CASR: variants seen among roughly 807,000 people sequenced by gnomAD.
CASR encodes calcium sensing receptor, also known as extracellular calcium-sensing receptor.
Under a neutral mutation model 69.1 loss-of-function variants are expected in CASR, and 23 were observed. The observed-to-expected ratio is 0.33, with a 90% CI of 0.24 to 0.47. CASR has a LOEUF of 0.47. Ranked by LOEUF, CASR falls within the 20% of genes least tolerant of loss-of-function variation. The pLI is 1.00. For synonymous variants in CASR, 541 were observed against 544.7 expected (o/e 0.99, Z 0.10); for missense variants, 924 against 1,356.1 (o/e 0.68, Z 5.00).
chr3:122,276,545 G>A (rs2074823552), intron 5 of CASR, among the ~76,000 whole-genome samples: 1 of 152,110 alleles, frequency 6.6e-6, no homozygotes, highest in Non-Finnish European at 1.5e-5. Context: ...ACAAAGAATT[G>A]ATCCCGCCTC....
chr3:122,261,407 C>T (rs2074619669), intron 3 of CASR, 121 bp from the exon 4 acceptor site: 1 of 849,842 alleles, frequency 1.2e-6, no homozygotes, highest in Non-Finnish European at 2.0e-6. Flanking sequence ...CAGTGAACAG[C>T]ATAGTTGATA....
chr3:122,242,767 C>T (rs2074390257), intron 1 of CASR, among the ~76,000 whole-genome samples: 2 of 152,118 alleles, frequency 1.3e-5, no homozygotes, highest in Non-Finnish European at 2.9e-5. Context: ...TATCGACTTT[C>T]ATATTATGCT....
Position 122,257,145 on chromosome 3 carries a change from A to G in CASR, c.250A>G (p.Ser84Gly). 1 of 1,614,198 alleles carries G rather than the reference A, an allele frequency of 6.2e-7. No homozygotes were observed. The highest frequency in any genetic ancestry group is 8.5e-7 in the Non-Finnish European group (1 of 1,179,992). Reference sequence around the variant, plus strand: ...ATTTGCCATAGAGGAGATAAACAGCAGCCCAGCCCTTCTTCCCAACTTGAC... The same window carrying G: ...ATTTGCCATAGAGGAGATAAACAGCGGCCCAGCCCTTCTTCCCAACTTGAC... ...MIFAIEEINS[S>G]PALLPNLTLG... Residue 84 changes from serine to glycine, a missense_variant, in exon 3 of 7, where the codon AGC becomes GGC. This residue lies in a region of CASR where 141 missense variants were observed against 283.0 expected (regional missense o/e 0.50). Coordinates refer to ENST00000639785, the MANE Select transcript of CASR (RefSeq NM_000388.4).
intron 3 of CASR, among the ~76,000 whole-genome samples, chr3:122,260,655 G>A (rs371321407): frequency 1.1e-3 from 161 of 150,926 alleles, no homozygotes; most frequent in Middle Eastern, 6.9e-3. Flanking sequence ...AAACCTGCAC[G>A]TTGTGCACAA....
At chr3:122,206,800 T>A (rs2074011718) in intron 1 of CASR, among the ~76,000 whole-genome samples, 3 of 152,082 alleles carry the variant, frequency 2.0e-5, no homozygotes, top group African/African-American at 4.8e-5. Flanking sequence ...GTTTCAACCT[T>A]CGTAGATTGT....
At chr3:122,252,511 GAGAAAGAA>G (rs141055482) in intron 1 of CASR, among the ~76,000 whole-genome samples, 1 of 135,236 alleles carries the variant, frequency 7.4e-6, no homozygotes, top group Non-Finnish European at 1.6e-5. Context: ...AAGAGAGAGA[GAGAAAGAA>G]AGAAGGCGGG....
At position 122,290,462 on chromosome 3, in the gene CASR, A is replaced by C. The variant is rs973860795; in HGVS notation, c.*5271A>C. 1.3e-5 allele frequency: 2 copies of C among 152,250 alleles called. No homozygotes were observed. The highest frequency in any genetic ancestry group is 2.9e-5 in the Non-Finnish European group (2 of 68,046). 9.4% of individuals were successfully genotyped at this position (152,250 alleles called of 1,614,324 possible). ...ATGTTTTGTTTCTATCTGACCTCTC[A>C]TTATAAATGAGAAACTTATAAATTA... On this transcript the variant is annotated 3_prime_UTR_variant, in exon 7 of 7. Coordinates refer to ENST00000639785, the MANE Select transcript of CASR (RefSeq NM_000388.4).
chr3:122,202,757 C>T (rs1378452940), intron 1 of CASR, among the ~76,000 whole-genome samples: 1 of 152,106 alleles, frequency 6.6e-6, no homozygotes, highest in Non-Finnish European at 1.5e-5. Context: ...AAGACATTCT[C>T]CTATAATTTC....
intron 1 of CASR, among the ~76,000 whole-genome samples, chr3:122,198,856 G>A (rs1559934801): frequency 6.7e-6 from 1 of 148,632 alleles, no homozygotes; most frequent in Admixed American, 6.7e-5. Context: ...TATATATATG[G>A]GGGATAAAGA....
rs200312817 is a variant in CASR at position 122,262,223 on chromosome 3, A to G, written c.1188A>G (p.Thr396=). The change falls in exon 4 of 7, where the codon ACA becomes ACG. Residue 396 remains threonine (T), a synonymous_variant. Transcript: ENST00000639785. ...CGACAGCCTTCCGACCCCTCTGTAC[A>G]GGGGATGAGAACATCAGCAGTGTCG... ...NSSTAFRPLC[T]GDENISSVET... 30 of 1,614,230 alleles carry G rather than the reference A, an allele frequency of 1.9e-5. No homozygotes were observed. The Middle Eastern group carries it at 1.2e-3, about 62-fold the overall frequency.
chr3:122,278,679 T>C (rs1355179718), intron 5 of CASR, among the ~76,000 whole-genome samples: 2 of 152,198 alleles, frequency 1.3e-5, no homozygotes, highest in Non-Finnish European at 2.9e-5. Context: ...TGCTGAAGGA[T>C]GCAGTAAGCA....
chr3:122,210,701 C>T (rs2074056189), intron 1 of CASR, among the ~76,000 whole-genome samples: 1 of 151,636 alleles, frequency 6.6e-6, no homozygotes, highest in Non-Finnish European at 1.5e-5. Context: ...TCCCATTAAA[C>T]TATTGACATT....
At chr3:122,252,450 A>AAGAG (rs1553765694) in intron 1 of CASR, among the ~76,000 whole-genome samples, 6 of 100,618 alleles carry the variant, frequency 6.0e-5, no homozygotes, top group South Asian at 3.3e-4. Context: ...AGAAAGAAAA[A>AAGAG]AAAGAAAAGA....
intron 1 of CASR, among the ~76,000 whole-genome samples, chr3:122,218,456 C>A (rs1576829165): frequency 6.6e-6 from 1 of 150,956 alleles, no homozygotes; most frequent in Non-Finnish European, 1.5e-5. Flanking sequence ...ATCGCTTGAA[C>A]CAGGGAGGCA....
intron 1 of CASR, among the ~76,000 whole-genome samples, chr3:122,226,317 T>C (rs6767061): frequency 0.72 from 108,430 of 151,084 alleles, 39,192 homozygotes; most frequent in Admixed American, 0.82. Flanking sequence ...TAAGGCAGCG[T>C]GTCTGGAGTT....
At chr3:122,264,799 C>A (rs1416481592) in intron 4 of CASR, among the ~76,000 whole-genome samples, 2 of 152,174 alleles carry the variant, frequency 1.3e-5, no homozygotes, top group Admixed American at 1.3e-4. Flanking sequence ...GATGAACTAG[C>A]AATTATTCAT....
chr3:122,189,775 G>A (rs1048381866), intron 1 of CASR, among the ~76,000 whole-genome samples: 2 of 152,144 alleles, frequency 1.3e-5, no homozygotes, highest in Admixed American at 6.5e-5. Flanking sequence ...AAAGAAGCAG[G>A]CTCAAAGAAA....
chr3:122,223,019 A>G (rs1183254819), intron 1 of CASR, among the ~76,000 whole-genome samples: 1 of 152,214 alleles, frequency 6.6e-6, no homozygotes, highest in Non-Finnish European at 1.5e-5. Context: ...CTTTGAAACT[A>G]ATAAGACCAG....
At chr3:122,207,441 T>G (rs2074018381) in intron 1 of CASR, among the ~76,000 whole-genome samples, 1 of 152,096 alleles carries the variant, frequency 6.6e-6, no homozygotes, top group African/African-American at 2.4e-5. Flanking sequence ...TCCAAACACA[T>G]TTTTTAAAAA....
Sources: gnomAD v4.1 joint callset for allele counts (sites outside exome capture counted in the v4.1 genomes callset) on GRCh38, gnomAD v4.1.1 for gene constraint, gnomAD v4.1.1 regional missense constraint, MANE v1.5 for transcripts, NCBI Gene and HGNC (gene_info 2026-07-23, HGNC 2026-07-21) for gene names.